The following GALNT13 variants were observed in gnomAD, a reference collection of about 807,000 sequenced individuals.
GALNT13 encodes UDP-GalNAc:polypeptide N-acetylgalactosaminyltransferase 13.
Under a neutral mutation model 64.2 loss-of-function variants are expected in GALNT13, and 28 were observed. The ratio of observed to expected loss-of-function variants is 0.44; its 90% CI spans 0.32 to 0.60. The LOEUF (loss-of-function observed/expected upper bound fraction) is 0.60, where lower values mean the gene tolerates loss of function less well. GALNT13 is among the 20% of genes least tolerant of loss of function. GALNT13 has a pLI of 0.05. For missense variants in GALNT13, 577 were observed against 669.8 expected (o/e 0.86, Z 1.53); for synonymous variants, 214 against 224.6 (o/e 0.95, Z 0.42).
intron 4 of GALNT13, among the ~76,000 whole-genome samples, chr2:154,237,232 A>C (rs1208398435): frequency 6.6e-6 from 1 of 151,976 alleles, no homozygotes; most frequent in Non-Finnish European, 1.5e-5. Context: ...TATACCAAAG[A>C]ATGTCTACCA....
the GALNT13 span, among the ~76,000 whole-genome samples, chr2:153,541,155 G>T: frequency 1.3e-5 from 2 of 152,068 alleles, no homozygotes; most frequent in African/African-American, 2.4e-5. Context: ...CATAGGTGTT[G>T]TTCCCCCACC....
chr2:154,091,093 G>C (rs1193962516), intron 3 of GALNT13, among the ~76,000 whole-genome samples: 1 of 151,902 alleles, frequency 6.6e-6, no homozygotes, highest in East Asian at 1.9e-4. Context: ...TGCAGTAACT[G>C]ACTCTTTGTG....
the GALNT13 span, among the ~76,000 whole-genome samples, chr2:153,208,973 C>CTTTTTTTTTTTTTTTTTTTTTTTT: frequency 4.0e-5 from 3 of 74,682 alleles, 1 homozygote; most frequent in African/African-American, 1.2e-4. Context: ...TGGTTTTGGT[C>CTTTTTTTTTTTTTTTTTTTTTTTT]TTTTTTTTTT....
At chr2:153,432,087 T>G in the GALNT13 span, among the ~76,000 whole-genome samples, 1 of 144,960 alleles carries the variant, frequency 6.9e-6, no homozygotes, top group African/African-American at 2.5e-5. Flanking sequence ...TTGGGAAATA[T>G]TAAGATAACT....
the GALNT13 span, among the ~76,000 whole-genome samples, chr2:153,552,182 G>A: frequency 6.6e-6 from 1 of 152,082 alleles, no homozygotes; most frequent in Non-Finnish European, 1.5e-5. Context: ...GTGGAGTGGT[G>A]GGCAAATACC....
chr2:153,161,139 G>T, the GALNT13 span, among the ~76,000 whole-genome samples: 1 of 152,134 alleles, frequency 6.6e-6, no homozygotes, highest in Non-Finnish European at 1.5e-5. Flanking sequence ...CTTTGACTTG[G>T]TTCACTTCTG....
intron 4 of GALNT13, among the ~76,000 whole-genome samples, chr2:154,180,861 T>C (rs1041038365): frequency 3.3e-5 from 5 of 152,146 alleles, no homozygotes; most frequent in African/African-American, 1.2e-4. Context: ...AAGTGTTAAA[T>C]GAAAATATAG....
chr2:153,484,594 C>A, the GALNT13 span, among the ~76,000 whole-genome samples: 1 of 152,036 alleles, frequency 6.6e-6, no homozygotes, highest in African/African-American at 2.4e-5. Flanking sequence ...ATGCAAACAC[C>A]CATTTTATCC....
the GALNT13 span, among the ~76,000 whole-genome samples, chr2:153,090,338 C>A: frequency 2.2e-4 from 34 of 152,320 alleles, no homozygotes; most frequent in South Asian, 1.2e-3. Context: ...AGCATCTGCT[C>A]TGGTGGAGGT....
intron 3 of GALNT13, among the ~76,000 whole-genome samples, chr2:154,016,961 C>T (rs1223710019): frequency 6.6e-6 from 1 of 152,034 alleles, no homozygotes; most frequent in Admixed American, 6.6e-5. Context: ...TGAGAATTTT[C>T]TGAGGGGCTG....
chr2:153,665,823 G>A, the GALNT13 span, among the ~76,000 whole-genome samples: 1 of 152,090 alleles, frequency 6.6e-6, no homozygotes, highest in African/African-American at 2.4e-5. Flanking sequence ...CATGGAAATT[G>A]GAGTTGGCAA....
the GALNT13 span, among the ~76,000 whole-genome samples, chr2:153,524,191 T>C: frequency 6.6e-6 from 1 of 152,200 alleles, no homozygotes; most frequent in Non-Finnish European, 1.5e-5. Context: ...ATTCTATACA[T>C]TGTTGAACTC....
the GALNT13 span, among the ~76,000 whole-genome samples, chr2:153,139,213 C>G: frequency 6.6e-6 from 1 of 152,044 alleles, no homozygotes; most frequent in African/African-American, 2.4e-5. Flanking sequence ...TTTCACACAG[C>G]ACATTCTGTT....
chr2:153,178,732 C>CA, the GALNT13 span, among the ~76,000 whole-genome samples: 1 of 98,400 alleles, frequency 1.0e-5, no homozygotes, highest in East Asian at 3.4e-4. Context: ...TTCTCTTCTT[C>CA]TTTTTTTTTT....
At chr2:154,149,434 C>G (rs1683836912) in intron 4 of GALNT13, among the ~76,000 whole-genome samples, 1 of 148,170 alleles carries the variant, frequency 6.7e-6, no homozygotes, top group Admixed American at 6.7e-5. Flanking sequence ...TCCATATGAA[C>G]TTTAAGTAGT....
chr2:153,593,191 C>T, the GALNT13 span: 5 of 152,304 alleles, frequency 3.3e-5, no homozygotes, highest in African/African-American at 1.2e-4. Context: ...TTCTCAAGCC[C>T]ATCTCGCTCA....
intron 3 of GALNT13, among the ~76,000 whole-genome samples, chr2:154,102,030 T>A (rs2105465828): frequency 6.6e-6 from 1 of 152,324 alleles, no homozygotes; most frequent in Admixed American, 6.5e-5. Flanking sequence ...TTTGATTTTT[T>A]AAAATTTACC....
intron 4 of GALNT13, among the ~76,000 whole-genome samples, chr2:154,171,993 C>T (rs968564507): frequency 2.6e-5 from 4 of 151,552 alleles, no homozygotes; most frequent in African/African-American, 9.7e-5. Flanking sequence ...CACACACACA[C>T]ACACACACAC....
intron 9 of GALNT13, among the ~76,000 whole-genome samples, chr2:154,357,289 A>G (rs993428344): frequency 6.6e-6 from 1 of 152,102 alleles, no homozygotes; most frequent in African/African-American, 2.4e-5. Flanking sequence ...TATGTATTCT[A>G]AGCTGCATTA....
Sources: allele counts gnomAD v4.1 joint callset (sites outside exome capture counted in the v4.1 genomes callset), GRCh38; gene constraint gnomAD v4.1.1; transcripts MANE v1.5; gene names NCBI Gene and HGNC (gene_info 2026-07-23, HGNC 2026-07-21).